RPRD1B: variants seen among roughly 807,000 people sequenced by gnomAD.
RPRD1B encodes regulation of nuclear pre-mRNA domain-containing protein 1B.
A neutral mutation model predicts 41.5 loss-of-function variants in RPRD1B; 11 were observed. The observed-to-expected ratio is 0.27, with a 90% CI of 0.17 to 0.44. The LOEUF (loss-of-function observed/expected upper bound fraction) is 0.44. RPRD1B is among the 20% of genes least tolerant of loss of function. RPRD1B has a pLI of 1.00. For missense variants in RPRD1B, 248 were observed against 389.9 expected (o/e 0.64, Z 3.06); for synonymous variants, 158 against 155.6 (o/e 1.02, Z -0.12).
chr20:38,057,293 T>C (rs1395812615), intron 3 of RPRD1B, among the ~76,000 whole-genome samples: 1 of 152,242 alleles, frequency 6.6e-6, no homozygotes, highest in East Asian at 1.9e-4. Context: ...GATGCCTGTT[T>C]TCTGTAGTAT....
intron 2 of RPRD1B, among the ~76,000 whole-genome samples, chr20:38,046,121 A>G (rs1400745353): frequency 6.6e-6 from 1 of 152,224 alleles, no homozygotes; most frequent in Non-Finnish European, 1.5e-5. Context: ...ACATGAGAGA[A>G]CAAATTCTGA....
intron 2 of RPRD1B, among the ~76,000 whole-genome samples, chr20:38,042,822 T>C (rs1387193100): frequency 2.0e-5 from 3 of 152,062 alleles, no homozygotes; most frequent in Non-Finnish European, 2.9e-5. Flanking sequence ...ATGAGGGATA[T>C]TTTTATGATA....
intron 1 of RPRD1B, among the ~76,000 whole-genome samples, chr20:38,034,450 A>G (rs2073972753): frequency 1.3e-5 from 2 of 152,130 alleles, no homozygotes; most frequent in South Asian, 4.1e-4. Flanking sequence ...TTTGGAGTAA[A>G]AGCCAGTGGG....
chr20:38,090,086 T>G lies in RPRD1B; in HGVS notation c.*211T>G. 7.8e-7 allele frequency: 1 copy of G among 1,286,400 alleles called. No individual in the cohort carries two copies. The highest frequency in any genetic ancestry group is 2.8e-5 in the South Asian group (1 of 35,300). 79.7% of individuals were successfully genotyped at this position (1,286,400 alleles called of 1,614,324 possible). Reference sequence around the variant, plus strand: ...GCGACTGGAATCTGGTTTATATTCATATTTGCAAAGACTACAGACTTTTTC... The same window carrying G: ...GCGACTGGAATCTGGTTTATATTCAGATTTGCAAAGACTACAGACTTTTTC... On this transcript the variant is annotated 3_prime_UTR_variant, in exon 7 of 7. Coordinates refer to ENST00000373433, the MANE Select transcript of RPRD1B (RefSeq NM_021215.4).
At chr20:38,039,247 A>T (rs2074037737) in intron 1 of RPRD1B, among the ~76,000 whole-genome samples, 1 of 152,188 alleles carries the variant, frequency 6.6e-6, no homozygotes, top group Non-Finnish European at 1.5e-5. Flanking sequence ...GCATATCTAG[A>T]TTTCACACGT....
chr20:38,055,919 CAA>C (rs1964162717), intron 3 of RPRD1B, among the ~76,000 whole-genome samples: 1 of 152,112 alleles, frequency 6.6e-6, no homozygotes, highest in Non-Finnish European at 1.5e-5. Flanking sequence ...TGCAACTACT[CAA>C]GAGTTAATAT....
chr20:38,069,715 T>C (rs990341836), intron 6 of RPRD1B, among the ~76,000 whole-genome samples: 3 of 152,170 alleles, frequency 2.0e-5, no homozygotes, highest in Non-Finnish European at 4.4e-5. Context: ...GGGGTTAGGG[T>C]AGAATTCAAG....
In RPRD1B at chr20:38,066,235, G is replaced by C; in HGVS notation, c.810G>C (p.Ser270=). The C allele has an allele frequency of 6.2e-7, 1 of 1,614,046 alleles. No individual in the cohort carries two copies. ...EYTQNQKDVL[S]EKEKKLEEYK... The stretch of plus-strand genomic sequence containing the variant: ...CCCAGAATCAGAAAGATGTTTTGTC[G>C]GAGAAGGAGAAAAAACTAGAGGTGA... Residue 270 remains serine (S), a synonymous_variant, in exon 6 of 7, where the codon TCG becomes TCC. Coordinates refer to ENST00000373433, the MANE Select transcript of RPRD1B (RefSeq NM_021215.4).
chr20:38,064,788 ATCCTGGC>A (rs1568654987), intron 5 of RPRD1B, among the ~76,000 whole-genome samples: 1 of 152,170 alleles, frequency 6.6e-6, no homozygotes, highest in African/African-American at 2.4e-5. Flanking sequence ...GAATAAAGCC[ATCCTGGC>A]TAACACAGTG....
chr20:38,043,717 G>C (rs2074092062), intron 2 of RPRD1B, among the ~76,000 whole-genome samples: 1 of 152,194 alleles, frequency 6.6e-6, no homozygotes, highest in South Asian at 2.1e-4. Context: ...AGGATTTATA[G>C]GCGTTGAGTG....
intron 6 of RPRD1B, 63 bp downstream of exon 6, chr20:38,066,319 G>A: frequency 1.4e-6 from 2 of 1,462,742 alleles, no homozygotes; most frequent in Admixed American, 2.1e-5. Flanking sequence ...CACATTAGGA[G>A]GTTTTTATTA....
At chr20:38,075,465 T>A (rs897978357) in intron 6 of RPRD1B, among the ~76,000 whole-genome samples, 5 of 152,224 alleles carry the variant, frequency 3.3e-5, no homozygotes, top group Admixed American at 6.5e-5. Flanking sequence ...GAGCATAATA[T>A]TGAGAGCAAG....
chr20:38,046,140 T>C (rs956784460), intron 2 of RPRD1B, among the ~76,000 whole-genome samples: 5 of 152,108 alleles, frequency 3.3e-5, no homozygotes, highest in African/African-American at 1.2e-4. Flanking sequence ...GAGTAGCAAA[T>C]ACATACGGGT....
intron 2 of RPRD1B, among the ~76,000 whole-genome samples, chr20:38,046,015 T>C (rs1372352233): frequency 6.6e-6 from 1 of 152,252 alleles, no homozygotes; most frequent in Non-Finnish European, 1.5e-5. Flanking sequence ...TTCCCCCATA[T>C]ACTTCAGCTA....
intron 6 of RPRD1B, among the ~76,000 whole-genome samples, chr20:38,086,948 T>G (rs1357239721): frequency 6.6e-6 from 1 of 152,040 alleles, no homozygotes; most frequent in Non-Finnish European, 1.5e-5. Context: ...TTTTTGGGGT[T>G]TTTTTTGTTT....
intron 2 of RPRD1B, among the ~76,000 whole-genome samples, chr20:38,045,871 A>T (rs1270711179): frequency 4.6e-5 from 7 of 152,148 alleles, no homozygotes; most frequent in Admixed American, 3.3e-4. Context: ...TAATGACTTT[A>T]TTTTTCTAAG....
At chr20:38,055,043 A>T (rs2074225256) in intron 3 of RPRD1B, among the ~76,000 whole-genome samples, 1 of 152,246 alleles carries the variant, frequency 6.6e-6, no homozygotes, top group East Asian at 1.9e-4. Context: ...GACTATAACC[A>T]TGATTGTGCA....
chr20:38,034,172 A>C, intron 1 of RPRD1B, 74 bp downstream of exon 1: 1 of 1,475,464 alleles, frequency 6.8e-7, no homozygotes. Context: ...AGGCCCCTCT[A>C]AGCCTCTTCA....
At chr20:38,049,527 G>A (rs2074160936) in intron 3 of RPRD1B, among the ~76,000 whole-genome samples, 2 of 150,780 alleles carry the variant, frequency 1.3e-5, no homozygotes, top group Non-Finnish European at 3.0e-5. Flanking sequence ...CTGCCACCAT[G>A]CCCAGCTAAT....
Sources: gnomAD v4.1 joint callset for allele counts (sites outside exome capture counted in the v4.1 genomes callset) on GRCh38, gnomAD v4.1.1 for gene constraint, MANE v1.5 for transcripts, NCBI Gene and HGNC (gene_info 2026-07-23, HGNC 2026-07-21) for gene names.